Variants in NAV2 observed in about 807,000 individuals in gnomAD.
NAV2 encodes neuron navigator 2.
NAV2 carries 54 observed loss-of-function variants against 223.2 expected under a neutral mutation model. The ratio of observed to expected loss-of-function variants is 0.24; its 90% CI spans 0.19 to 0.30. The LOEUF (loss-of-function observed/expected upper bound fraction) is 0.30. Ranked by LOEUF, NAV2 falls within the 10% of genes least tolerant of loss-of-function variation. The pLI, the probability that NAV2 is intolerant of heterozygous loss-of-function variation, is 1.00. For missense variants in NAV2, 2,806 were observed against 3,147.5 expected (o/e 0.89, Z 2.60); for synonymous variants, 1,279 against 1,239.3 (o/e 1.03, Z -0.67).
intron 1 of NAV2, among the ~76,000 whole-genome samples, chr11:19,391,129 T>C (rs372547998): frequency 1.3e-5 from 2 of 152,272 alleles, no homozygotes; most frequent in Non-Finnish European, 2.9e-5. Flanking sequence ...CTAGTGATCA[T>C]TGCTCACACT....
intron 1 of NAV2, among the ~76,000 whole-genome samples, chr11:19,704,968 G>T (rs1418257755): frequency 1.4e-5 from 2 of 145,048 alleles, no homozygotes; most frequent in African/African-American, 5.2e-5. Flanking sequence ...CAGAGATCAT[G>T]CCACTGCACT....
At chr11:19,752,020 T>G (rs1240920700) in intron 1 of NAV2, among the ~76,000 whole-genome samples, 1 of 152,210 alleles carries the variant, frequency 6.6e-6, no homozygotes, top group Non-Finnish European at 1.5e-5. Flanking sequence ...GCCTCTTCTT[T>G]CATGTTCTCA....
intron 1 of NAV2, among the ~76,000 whole-genome samples, chr11:19,389,566 G>A (rs542237389): frequency 6.6e-6 from 1 of 152,314 alleles, no homozygotes; most frequent in Non-Finnish European, 1.5e-5. Context: ...TCTGGACCAT[G>A]AAGATCAAGG....
In NAV2 at chr11:20,120,045, G is replaced by T. The variant is rs967750711; in HGVS notation, c.*1787G>T. 1 of 152,186 alleles carries T rather than the reference G, an allele frequency of 6.6e-6. No homozygotes were observed. Among genetic ancestry groups the T allele is most frequent in the African/African-American group, 2.4e-5 (1 of 41,456 alleles). 9.4% of individuals were successfully genotyped at this position (152,186 alleles called of 1,614,324 possible). On this transcript the variant is annotated 3_prime_UTR_variant, in exon 38 of 38. Transcript: ENST00000349880. The stretch of plus-strand genomic sequence containing the variant: ...GAGTTGTTTGTTTCTGTTTTGTAAA[G>T]AGAATCCTTATTGGACACCAGTGAA...
intron 1 of NAV2, among the ~76,000 whole-genome samples, chr11:19,489,117 G>A (rs1171828898): frequency 6.6e-6 from 1 of 152,214 alleles, no homozygotes; most frequent in Non-Finnish European, 1.5e-5. Context: ...GAAGTATCCA[G>A]AAGGTTCCCT....
At chr11:19,752,818 A>T (rs1311439467) in intron 1 of NAV2, among the ~76,000 whole-genome samples, 4 of 152,102 alleles carry the variant, frequency 2.6e-5, no homozygotes, top group Non-Finnish European at 5.9e-5. Flanking sequence ...ATGGTTATTC[A>T]CTTCAATCAT....
At chr11:19,514,370 T>C (rs945492977) in intron 1 of NAV2, among the ~76,000 whole-genome samples, 10 of 152,176 alleles carry the variant, frequency 6.6e-5, no homozygotes, top group Non-Finnish European at 1.2e-4. Context: ...CAACACACAT[T>C]CTGCAGCTCT....
At chr11:19,637,703 C>T (rs769581090) in intron 1 of NAV2, among the ~76,000 whole-genome samples, 2 of 152,196 alleles carry the variant, frequency 1.3e-5, no homozygotes, top group African/African-American at 2.4e-5. Flanking sequence ...CACACTTAAA[C>T]GACCAGATCT....
chr11:19,515,726 C>G (rs1312046248), intron 1 of NAV2, among the ~76,000 whole-genome samples: 1 of 152,172 alleles, frequency 6.6e-6, no homozygotes, highest in Non-Finnish European at 1.5e-5. Context: ...ATACAAATAA[C>G]TCTGTAAGGC....
At chr11:19,370,244 T>C (rs766255774) in intron 1 of NAV2, among the ~76,000 whole-genome samples, 1 of 152,186 alleles carries the variant, frequency 6.6e-6, no homozygotes, top group Admixed American at 6.5e-5. Context: ...CAAATACCAA[T>C]TTGGCCTGAA....
chr11:19,816,553 C>A (rs2059100163), intron 1 of NAV2, among the ~76,000 whole-genome samples: 1 of 152,162 alleles, frequency 6.6e-6, no homozygotes, highest in African/African-American at 2.4e-5. Flanking sequence ...TAAGTTGGTG[C>A]AGTAGATGCT....
chr11:19,349,910 T>C (rs893447962), upstream of NAV2, among the ~76,000 whole-genome samples: 4 of 152,100 alleles, frequency 2.6e-5, no homozygotes, highest in Admixed American at 6.5e-5. Flanking sequence ...CCATAGGCAG[T>C]TGCTTTTCGG....
intron 1 of NAV2, among the ~76,000 whole-genome samples, chr11:19,517,823 G>T (rs1373291788): frequency 1.3e-5 from 2 of 152,340 alleles, no homozygotes; most frequent in African/African-American, 4.8e-5. Context: ...TATAGCTGAG[G>T]ATTTCTACTG....
chr11:19,778,064 G>C, intron 1 of NAV2: 1 of 434,714 alleles, frequency 2.3e-6, no homozygotes, highest in Non-Finnish European at 4.7e-6. Context: ...ACCATCCAGG[G>C]TGCAGGTACT....
chr11:19,393,879 A>AT (rs139887253), intron 1 of NAV2, among the ~76,000 whole-genome samples: 5,679 of 134,680 alleles, frequency 0.042, 355 homozygotes, highest in African/African-American at 0.14. Context: ...CTAAAAAGAG[A>AT]TTTTATAACT....
intron 8 of NAV2, among the ~76,000 whole-genome samples, chr11:19,945,202 CT>C (rs1297843720): frequency 0.12 from 4,634 of 38,296 alleles, 439 homozygotes; most frequent in African/African-American, 0.26. Context: ...CTTCCCTTCC[CT>C]TTCTTTCCTT....
chr11:19,999,373 T>A (rs113151704), intron 11 of NAV2, among the ~76,000 whole-genome samples: 4 of 152,170 alleles, frequency 2.6e-5, no homozygotes, highest in African/African-American at 9.7e-5. Context: ...TTTGGGAAAA[T>A]GTGGGGTTTT....
At chr11:19,365,452 G>A (rs1005044114) in intron 1 of NAV2, among the ~76,000 whole-genome samples, 2 of 152,196 alleles carry the variant, frequency 1.3e-5, no homozygotes, top group African/African-American at 4.8e-5. Context: ...CTTCACCTCG[G>A]TGTTCCTCAG....
At chr11:19,975,597 G>A (rs1822274) in intron 10 of NAV2, among the ~76,000 whole-genome samples, 1,827 of 152,272 alleles carry the variant, frequency 0.012, 20 homozygotes, top group Non-Finnish European at 0.019. Flanking sequence ...AATTCTCCAC[G>A]TGATCAATCT....
Sources: allele counts gnomAD v4.1 joint callset (sites outside exome capture counted in the v4.1 genomes callset), GRCh38; gene constraint gnomAD v4.1.1; transcripts MANE v1.5; gene names NCBI Gene and HGNC (gene_info 2026-07-23, HGNC 2026-07-21).